The following CARMIL1 variants were observed in gnomAD, a reference collection of about 807,000 sequenced individuals.
CARMIL1 encodes the protein capping protein regulator and myosin 1 linker 1, also known as F-actin-uncapping protein LRRC16A.
Under a neutral mutation model 177.1 loss-of-function variants are expected in CARMIL1, and 90 were observed. That is an observed-to-expected ratio of 0.51 (90% confidence interval 0.43 to 0.61). The LOEUF is 0.61. CARMIL1 is among the 20% of genes least tolerant of loss of function. The pLI, the probability that CARMIL1 is intolerant of heterozygous loss-of-function variation, is 0.00. For missense variants in CARMIL1, 1,380 were observed against 1,667.0 expected (o/e 0.83, Z 3.00); for synonymous variants, 577 against 606.2 (o/e 0.95, Z 0.71).
At chr6:25,322,983 G>A (rs6929831) in intron 2 of CARMIL1, among the ~76,000 whole-genome samples, 7,884 of 152,190 alleles carry the variant, frequency 0.052, 329 homozygotes, top group African/African-American at 0.11. Flanking sequence ...AGACTCAGAG[G>A]AGGGCTAGAA....
In CARMIL1 at chr6:25,515,537, G is replaced by A. The variant is rs984656052; in HGVS notation, c.1633-138G>A. 8.6e-6 allele frequency: 6 copies of A among 700,416 alleles called. No individual in the cohort carries two copies. The highest frequency in any genetic ancestry group is 3.0e-5 in the East Asian group (1 of 33,536). 43.4% of individuals were successfully genotyped at this position (700,416 alleles called of 1,614,324 possible). On this transcript the variant is annotated intron_variant, in intron 20 of 36. Coordinates refer to ENST00000329474, the MANE Select transcript of CARMIL1 (RefSeq NM_017640.6). The surrounding 1 kb of genome is among the most constrained non-coding windows in gnomAD (Gnocchi z 5.0). ...GCCAGAACCTTAAGTTTCTATCCAC[G>A]AGTGTCTTTTAGGTAGTAGTTCTAA...
chr6:25,450,391 C>T lies in CARMIL1; in HGVS notation c.522C>T (p.Tyr174=). The stretch of plus-strand genomic sequence containing the variant: ...TTTGTGACTGGCTTGGATTTTCATA[C>T]AGGGAAGAAGTACAATGGGTAAGAA... The part of the protein sequence containing the change: ...ACVCDWLGFS[Y]REEVQWDVDT... Residue 174 remains tyrosine, a synonymous_variant, in exon 7 of 37, where the codon TAC becomes TAT. Transcript: ENST00000329474. The T allele has an allele frequency of 1.2e-6, 2 of 1,613,298 alleles. No individual in the cohort carries two copies. The highest frequency in any genetic ancestry group is 1.7e-6 in the Non-Finnish European group (2 of 1,179,328).
chr6:25,553,168 G>A (rs1283687683), intron 27 of CARMIL1, among the ~76,000 whole-genome samples: 1 of 152,022 alleles, frequency 6.6e-6, no homozygotes, highest in Non-Finnish European at 1.5e-5. Flanking sequence ...TATTTTCAAC[G>A]TTAGCTTATG....
chr6:25,534,153 G>A (rs1460415982), intron 24 of CARMIL1, among the ~76,000 whole-genome samples: 1 of 150,802 alleles, frequency 6.6e-6, no homozygotes, highest in South Asian at 2.1e-4. Flanking sequence ...ACAAGAACTA[G>A]TTTTTTCATT....
intron 8 of CARMIL1, among the ~76,000 whole-genome samples, chr6:25,450,915 TC>T (rs1299883870): frequency 0.21 from 894 of 4,224 alleles, 287 homozygotes; most frequent in African/African-American, 0.39. Flanking sequence ...CTTTTCCTTC[TC>T]CTCTCCTCTC....
chr6:25,363,789 G>A (rs6933921), intron 2 of CARMIL1, among the ~76,000 whole-genome samples: 132,488 of 152,278 alleles, frequency 0.87, 57,867 homozygotes, highest in African/African-American at 0.93. Flanking sequence ...GTTATACAGA[G>A]TGATTCTGTG....
At chr6:25,296,947 C>G (rs965355645) in intron 2 of CARMIL1, among the ~76,000 whole-genome samples, 6 of 84,704 alleles carry the variant, frequency 7.1e-5, no homozygotes, top group African/African-American at 2.7e-4. Flanking sequence ...AACTAACTAA[C>G]TAACTAACTA....
At chr6:25,330,593 A>C (rs1228364806) in intron 2 of CARMIL1, among the ~76,000 whole-genome samples, 1 of 151,768 alleles carries the variant, frequency 6.6e-6, no homozygotes, top group Non-Finnish European at 1.5e-5. Context: ...TAATCCTAGC[A>C]CTTTCTCAGG....
intron 2 of CARMIL1, among the ~76,000 whole-genome samples, chr6:25,392,053 CATGTGTGTGTGTGTGTGTGT>C (rs753824981): frequency 0.059 from 6,322 of 107,616 alleles, 385 homozygotes; most frequent in East Asian, 0.27. Flanking sequence ...TGTGTATATG[CATGTGTGTGTGTGTGTGTGT>C]GTGTGTGTGT....
chr6:25,420,618 T>C (rs2150694128), intron 3 of CARMIL1, among the ~76,000 whole-genome samples: 1 of 152,324 alleles, frequency 6.6e-6, no homozygotes, highest in East Asian at 1.9e-4. Context: ...GGAGTAACTT[T>C]CATAACTCCA....
At chr6:25,572,527 C>A (rs1812176188) in intron 29 of CARMIL1, among the ~76,000 whole-genome samples, 1 of 151,748 alleles carries the variant, frequency 6.6e-6, no homozygotes, top group South Asian at 2.1e-4. Flanking sequence ...AAGGCAAAAC[C>A]CCGTCTCTAC....
chr6:25,445,431 A>G (rs1322206206), intron 5 of CARMIL1, among the ~76,000 whole-genome samples: 2 of 152,084 alleles, frequency 1.3e-5, no homozygotes, highest in Non-Finnish European at 2.9e-5. Flanking sequence ...TCTCAATGGC[A>G]TCTATGATGG....
chr6:25,281,701 C>T (rs555328581), intron 1 of CARMIL1, among the ~76,000 whole-genome samples: 2 of 152,118 alleles, frequency 1.3e-5, no homozygotes, highest in Non-Finnish European at 2.9e-5. Context: ...AATACCTGCA[C>T]CTGCTTTCCT....
At chr6:25,535,392 G>C (rs906386685) in intron 24 of CARMIL1, among the ~76,000 whole-genome samples, 1 of 152,148 alleles carries the variant, frequency 6.6e-6, no homozygotes, top group Non-Finnish European at 1.5e-5. Context: ...CTAGAAGAGA[G>C]CATATGATTG....
intron 2 of CARMIL1, among the ~76,000 whole-genome samples, chr6:25,378,889 TAA>T (rs34179371): frequency 1.4e-5 from 2 of 146,172 alleles, no homozygotes; most frequent in East Asian, 2.0e-4. Flanking sequence ...TCTTGGGGAT[TAA>T]AAAAAAAAAA....
At chr6:25,467,354 G>T (rs753660404) in intron 9 of CARMIL1, among the ~76,000 whole-genome samples, 2 of 152,184 alleles carry the variant, frequency 1.3e-5, no homozygotes, top group Non-Finnish European at 2.9e-5. Flanking sequence ...GCCACTGGAG[G>T]AATGAGAAGG....
intron 2 of CARMIL1, among the ~76,000 whole-genome samples, chr6:25,386,999 C>T (rs576649222): frequency 9.9e-5 from 15 of 151,200 alleles, no homozygotes; most frequent in Non-Finnish European, 1.8e-4. Context: ...GCATGATGGC[C>T]GGTGCCTGTA....
intron 2 of CARMIL1, among the ~76,000 whole-genome samples, chr6:25,383,356 A>C (rs1791794122): frequency 6.6e-6 from 1 of 152,202 alleles, no homozygotes; most frequent in Admixed American, 6.5e-5. Flanking sequence ...GAAAAACAAA[A>C]ATAATATATT....
At chr6:25,529,673 G>A (rs1171200141) in intron 24 of CARMIL1, among the ~76,000 whole-genome samples, 4 of 49,106 alleles carry the variant, frequency 8.1e-5, no homozygotes, top group Admixed American at 7.7e-4. Flanking sequence ...GCGTGAACCC[G>A]GGAAGCGGAG....
Sources: allele counts gnomAD v4.1 joint callset (sites outside exome capture counted in the v4.1 genomes callset), GRCh38; gene constraint gnomAD v4.1.1; non-coding constraint Gnocchi (gnomAD v3.1); transcripts MANE v1.5; gene names NCBI Gene and HGNC (gene_info 2026-07-23, HGNC 2026-07-21).